Variants in MED12L observed in about 807,000 individuals in gnomAD.
MED12L encodes the protein mediator of RNA polymerase II transcription subunit 12-like protein.
In MED12L, 60 loss-of-function variants were observed where a neutral mutation model predicts 281.3. The ratio of observed to expected loss-of-function variants is 0.21; its 90% CI spans 0.17 to 0.26. The LOEUF is 0.26. Ranked by LOEUF, MED12L falls within the 10% of genes least tolerant of loss-of-function variation. The pLI, the probability that MED12L is intolerant of heterozygous loss-of-function variation, is 1.00. For missense variants in MED12L, 2,146 were observed against 2,680.9 expected (o/e 0.80, Z 4.41); for synonymous variants, 974 against 987.2 (o/e 0.99, Z 0.25).
At chr3:151,413,354 C>T in intron 42 of MED12L, 59 bp downstream of exon 42, 4 of 1,531,608 alleles carry the variant, frequency 2.6e-6, no homozygotes, top group Non-Finnish European at 2.7e-6. Flanking sequence ...AAATATGCAA[C>T]AGTCATAAAA....
intron 11 of MED12L, among the ~76,000 whole-genome samples, chr3:151,173,042 G>C (rs916544832): frequency 1.3e-5 from 2 of 151,590 alleles, no homozygotes; most frequent in African/African-American, 2.4e-5. Flanking sequence ...GATTGGAGTG[G>C]GCCTCTTGAT....
chr3:151,400,885 AT>A (rs1408282633), intron 39 of MED12L, among the ~76,000 whole-genome samples: 2 of 152,184 alleles, frequency 1.3e-5, no homozygotes, highest in Non-Finnish European at 2.9e-5. Context: ...ATTAAATAAT[AT>A]TCTTCCATAA....
intron 16 of MED12L, among the ~76,000 whole-genome samples, chr3:151,317,405 C>A (rs1748401197): frequency 1.4e-5 from 2 of 141,950 alleles, no homozygotes; most frequent in African/African-American, 5.2e-5. Context: ...AAAAAAGCAT[C>A]CAACAATGAC....
chr3:151,164,113 G>A (rs1048887334), intron 9 of MED12L, 71 bp downstream of exon 9: 1 of 1,532,786 alleles, frequency 6.5e-7, no homozygotes, highest in Admixed American at 1.8e-5. Context: ...AGTGGGTCAA[G>A]CACAGGTTTT....
At chr3:151,356,283 T>G (rs1753911958) in intron 19 of MED12L, among the ~76,000 whole-genome samples, 1 of 152,010 alleles carries the variant, frequency 6.6e-6, no homozygotes, top group African/African-American at 2.4e-5. Flanking sequence ...TCCCAGCTAC[T>G]TGGGAGGCTG....
At chr3:151,243,410 C>T (rs1231689259) in intron 16 of MED12L, among the ~76,000 whole-genome samples, 16 of 36,236 alleles carry the variant, frequency 4.4e-4, no homozygotes, top group African/African-American at 4.0e-3. Flanking sequence ...AGACTAACAG[C>T]GGATCTCTCG....
At chr3:151,094,107 G>GCATAT (rs1172715238) in intron 2 of MED12L, among the ~76,000 whole-genome samples, 1 of 152,226 alleles carries the variant, frequency 6.6e-6, no homozygotes, top group Non-Finnish European at 1.5e-5. Flanking sequence ...GTCTGCACAT[G>GCATAT]CATATATGCA....
At chr3:151,212,739 A>G (rs1727383763) in intron 16 of MED12L, 1 of 152,196 alleles carries the variant, frequency 6.6e-6, no homozygotes, top group African/African-American at 2.4e-5. Flanking sequence ...GTGCCATGAA[A>G]TACATCAATA....
intron 43 of MED12L, among the ~76,000 whole-genome samples, chr3:151,426,056 A>G (rs73869064): frequency 0.04 from 6,103 of 152,246 alleles, 423 homozygotes; most frequent in African/African-American, 0.14. Context: ...CAAAACATAC[A>G]TAGATTATGA....
intron 16 of MED12L, among the ~76,000 whole-genome samples, chr3:151,194,906 T>C (rs1372893487): frequency 6.6e-6 from 1 of 152,210 alleles, no homozygotes; most frequent in Admixed American, 6.5e-5. Flanking sequence ...GGCTCATGCC[T>C]GTAATCCCAG....
intron 16 of MED12L, among the ~76,000 whole-genome samples, chr3:151,228,653 A>G (rs570463536): frequency 6.6e-6 from 1 of 152,284 alleles, no homozygotes; most frequent in East Asian, 1.9e-4. Context: ...GTGGCACTCA[A>G]CAACAGAGTG....
rs76547795 is a variant in MED12L at position 151,403,575 on chromosome 3, A to C, written c.5821-5668A>C. ...TTTTGAGCATAGGTCTTGTGCATGC[A>C]TGTCATAAGACTTCATCTCTACTGC... On this transcript the variant is annotated intron_variant, in intron 39 of 44. Transcript: ENST00000687756. Among the ~76,000 whole-genome samples, 400 of 152,284 alleles carry C rather than the reference A, an allele frequency of 2.6e-3. 1 individual carries two copies. Among genetic ancestry groups the C allele is most frequent in the African/African-American group, 9.1e-3 (380 of 41,566 alleles).
intron 36 of MED12L, among the ~76,000 whole-genome samples, chr3:151,386,680 A>G (rs1371991864): frequency 6.6e-6 from 1 of 150,648 alleles, no homozygotes; most frequent in Non-Finnish European, 1.5e-5. Context: ...GGGTTCAAGC[A>G]ATTCTCTGCC....
intron 1 of MED12L, 48 bp downstream of exon 1, chr3:151,085,984 T>G (rs9846066): frequency 0.52 from 79,537 of 151,810 alleles, 23,212 homozygotes; most frequent in African/African-American, 0.8. Flanking sequence ...GCTGGGGCCG[T>G]GGGGAGGCGG....
chr3:151,336,392 A>G (rs186813734), intron 16 of MED12L: 171 of 395,802 alleles, frequency 4.3e-4, no homozygotes, highest in African/African-American at 3.4e-3. Flanking sequence ...CAGCTTCGTA[A>G]TGAAATAGAA....
intron 2 of MED12L, among the ~76,000 whole-genome samples, chr3:151,091,033 T>C (rs1021671788): frequency 6.6e-6 from 1 of 151,988 alleles, no homozygotes; most frequent in Non-Finnish European, 1.5e-5. Flanking sequence ...AGAGCAAGAC[T>C]GCATCTCAAA....
At chr3:151,265,684 G>A (rs1357249726) in intron 16 of MED12L, among the ~76,000 whole-genome samples, 2 of 152,132 alleles carry the variant, frequency 1.3e-5, no homozygotes, top group Non-Finnish European at 2.9e-5. Flanking sequence ...CTGGCTTCTG[G>A]CAGTCCTCAT....
At chr3:151,339,782 AG>A (rs1218980154) in intron 16 of MED12L, among the ~76,000 whole-genome samples, 2 of 64,608 alleles carry the variant, frequency 3.1e-5, no homozygotes, top group East Asian at 8.7e-4. Flanking sequence ...CACAATAGGC[AG>A]CTATAATGAA....
intron 16 of MED12L, among the ~76,000 whole-genome samples, chr3:151,257,466 G>T (rs78586780): frequency 6.6e-6 from 1 of 152,204 alleles, no homozygotes; most frequent in African/African-American, 2.4e-5. Flanking sequence ...GTGTCATGGG[G>T]CACATTACTT....
Sources: allele counts gnomAD v4.1 joint callset (sites outside exome capture counted in the v4.1 genomes callset), GRCh38; gene constraint gnomAD v4.1.1; transcripts MANE v1.5; gene names NCBI Gene and HGNC (gene_info 2026-07-23, HGNC 2026-07-21).